The following SCAMP1 variants were observed in gnomAD, a reference collection of about 807,000 sequenced individuals.
The protein encoded by SCAMP1 is secretory carrier-associated membrane protein 1.
SCAMP1 carries 15 observed loss-of-function variants against 41.8 expected under a neutral mutation model. The observed-to-expected ratio is 0.36, with a 90% CI of 0.24 to 0.55. The LOEUF is 0.55. SCAMP1 is among the 20% of genes least tolerant of loss of function. The pLI is 0.86. For synonymous variants in SCAMP1, 135 were observed against 136.8 expected, an observed-to-expected ratio of 0.99 and a Z score of 0.09; for missense variants, 341 against 412.6, an observed-to-expected ratio of 0.83 and a Z score of 1.50.
rs150883504 is a variant in SCAMP1, at chr5:78,385,862, A to G, written c.58-2975A>G. 4.3e-4 allele frequency among the ~76,000 whole-genome samples: 65 copies of G among 152,218 alleles called. 1 individual carries two copies. The highest frequency in any genetic ancestry group is 1.5e-3 in the African/African-American group (62 of 41,530). The stretch of plus-strand genomic sequence containing the variant: ...ATTTGTTGAGACTTTTTTTGTCCCT[A>G]TGATGTGGTCTATCTTGGGGAATGT... On this transcript the variant is annotated intron_variant, in intron 1 of 8. Coordinates refer to ENST00000621999, the MANE Select transcript of SCAMP1 (RefSeq NM_004866.6).
intron 8 of SCAMP1, among the ~76,000 whole-genome samples, chr5:78,471,423 C>T (rs994336893): frequency 2.0e-5 from 3 of 152,050 alleles, no homozygotes; most frequent in Admixed American, 2.0e-4. Context: ...TAGGCTTAGA[C>T]GTCCATACTT....
At chr5:78,460,090 T>C (rs1317154345) in intron 8 of SCAMP1, among the ~76,000 whole-genome samples, 1 of 152,212 alleles carries the variant, frequency 6.6e-6, no homozygotes, top group African/African-American at 2.4e-5. Flanking sequence ...CATAATTTCA[T>C]TTTTTAGGTG....
At chr5:78,458,883 AAAAAG>A (rs1339212534) in intron 7 of SCAMP1, among the ~76,000 whole-genome samples, 1 of 152,228 alleles carries the variant, frequency 6.6e-6, no homozygotes, top group Admixed American at 6.5e-5. Context: ...CTGTCTCAAA[AAAAAG>A]AGTAATAATA....
chr5:78,364,353 AATTG>A (rs538234067), intron 1 of SCAMP1, among the ~76,000 whole-genome samples: 273 of 152,358 alleles, frequency 1.8e-3, no homozygotes, highest in Non-Finnish European at 3.4e-3. Flanking sequence ...TTAACATGAT[AATTG>A]ATTGAATAAG....
chr5:78,398,541 ATTTTTTTTTTT>A (rs57209214), intron 2 of SCAMP1, among the ~76,000 whole-genome samples: 58 of 44,290 alleles, frequency 1.3e-3, no homozygotes, highest in Non-Finnish European at 2.1e-3. Flanking sequence ...AAGGTTCACT[ATTTTTTTTTTT>A]TTTTTTTTTT....
In SCAMP1 at chr5:78,431,172, A is replaced by T. The variant is rs79735060; in HGVS notation, c.632+9212A>T. Among the ~76,000 whole-genome samples, 111 of 152,170 alleles carry T rather than the reference A, an allele frequency of 7.3e-4. No homozygotes were observed. The East Asian group carries it at 0.02, about 28-fold the overall frequency. ...TAGATATAACATTGCTAGGAATTTT[A>T]AAACTCTAAAATTAACACTCCTGCA... On this transcript the variant is annotated intron_variant, in intron 6 of 8. Coordinates refer to ENST00000621999, the MANE Select transcript of SCAMP1 (RefSeq NM_004866.6).
At chr5:78,366,888 A>C (rs1328670800) in intron 1 of SCAMP1, among the ~76,000 whole-genome samples, 1 of 143,730 alleles carries the variant, frequency 7.0e-6, no homozygotes, top group Non-Finnish European at 1.5e-5. Context: ...TGGGAGGCTG[A>C]GGCGGGAGGG....
intron 6 of SCAMP1, among the ~76,000 whole-genome samples, chr5:78,438,812 G>T (rs972912559): frequency 6.6e-6 from 1 of 152,048 alleles, no homozygotes; most frequent in African/African-American, 2.4e-5. Context: ...TTGACAGTGG[G>T]GTGTTAAAGT....
chr5:78,402,598 C>T (rs1218922579), intron 2 of SCAMP1, among the ~76,000 whole-genome samples: 2 of 152,024 alleles, frequency 1.3e-5, no homozygotes, highest in Non-Finnish European at 2.9e-5. Flanking sequence ...ACTTTCTTTG[C>T]TTTGAGTCTG....
chr5:78,415,269 A>G (rs1752182701), intron 2 of SCAMP1, among the ~76,000 whole-genome samples: 1 of 152,144 alleles, frequency 6.6e-6, no homozygotes, highest in Non-Finnish European at 1.5e-5. Flanking sequence ...AACATACGGT[A>G]TCCTGGAGGA....
chr5:78,373,309 G>A (rs1750986236), intron 1 of SCAMP1, among the ~76,000 whole-genome samples: 1 of 151,996 alleles, frequency 6.6e-6, no homozygotes, highest in South Asian at 2.1e-4. Context: ...ATATTAAATA[G>A]AAAAAGCATG....
intron 2 of SCAMP1, among the ~76,000 whole-genome samples, chr5:78,395,823 G>A (rs535674480): frequency 2.0e-5 from 3 of 152,308 alleles, no homozygotes; most frequent in East Asian, 1.9e-4. Flanking sequence ...TCCAGTCTGC[G>A]AAGAGGGAGT....
chr5:78,437,279 T>C (rs369162118), intron 6 of SCAMP1, among the ~76,000 whole-genome samples: 2 of 152,246 alleles, frequency 1.3e-5, no homozygotes, highest in Non-Finnish European at 2.9e-5. Context: ...GAGGGCATCC[T>C]TGTCTTGTGC....
chr5:78,445,112 G>A (rs566911567), intron 6 of SCAMP1, among the ~76,000 whole-genome samples: 28 of 152,244 alleles, frequency 1.8e-4, no homozygotes, highest in African/African-American at 6.0e-4. Flanking sequence ...TCCCATCCCA[G>A]CAAATGGTAG....
chr5:78,472,457 T>C (rs1034836856), intron 8 of SCAMP1, among the ~76,000 whole-genome samples: 1 of 151,952 alleles, frequency 6.6e-6, no homozygotes, highest in African/African-American at 2.4e-5. Context: ...ACCTTGTCCC[T>C]GATATCAGCA....
At chr5:78,458,012 C>G (rs896177967) in intron 7 of SCAMP1, 3 of 152,836 alleles carry the variant, frequency 2.0e-5, no homozygotes, top group Non-Finnish European at 2.9e-5. Flanking sequence ...TTGCGCTTCC[C>G]AAGTGAGGCA....
At chr5:78,469,238 A>T (rs113624273) in intron 8 of SCAMP1, among the ~76,000 whole-genome samples, 4 of 152,020 alleles carry the variant, frequency 2.6e-5, no homozygotes, top group African/African-American at 9.7e-5. Flanking sequence ...CTATTTTTCT[A>T]TAGTCACAAA....
At chr5:78,378,137 A>G (rs372519271) in intron 1 of SCAMP1, among the ~76,000 whole-genome samples, 2 of 152,210 alleles carry the variant, frequency 1.3e-5, no homozygotes, top group Non-Finnish European at 2.9e-5. Context: ...CTGCTACAGA[A>G]CAAGTACCCA....
At chr5:78,456,350 T>G (rs957238084) in intron 7 of SCAMP1, among the ~76,000 whole-genome samples, 3 of 152,200 alleles carry the variant, frequency 2.0e-5, no homozygotes, top group Admixed American at 1.3e-4. Flanking sequence ...GTTTAGCGTT[T>G]CCTTCAGGAA....
Sources: allele counts gnomAD v4.1 joint callset (sites outside exome capture counted in the v4.1 genomes callset), GRCh38; gene constraint gnomAD v4.1.1; transcripts MANE v1.5; gene names NCBI Gene and HGNC (gene_info 2026-07-23, HGNC 2026-07-21).